ZNF365: variants seen among roughly 807,000 people sequenced by gnomAD.
ZNF365 encodes zinc finger protein 365, also known as protein ZNF365.
ZNF365 carries 22 observed loss-of-function variants against 35.0 expected under a neutral mutation model. The ratio of observed to expected loss-of-function variants is 0.63; its 90% CI spans 0.45 to 0.90. The LOEUF (loss-of-function observed/expected upper bound fraction) is 0.90. Among genes scored for constraint, ZNF365 ranks in the 40% least tolerant of loss-of-function variants. The probability of loss-of-function intolerance (pLI) is 0.00; values close to 1 mark genes in which losing one functional copy is unlikely to be tolerated. For missense variants in ZNF365, 448 were observed against 500.3 expected, an observed-to-expected ratio of 0.90 and a Z score of 1.00; for synonymous variants, 188 against 196.2, an observed-to-expected ratio of 0.96 and a Z score of 0.35.
chr10:62,379,182 C>T (rs529383455), intron 2 of ZNF365, among the ~76,000 whole-genome samples: 1 of 152,126 alleles, frequency 6.6e-6, no homozygotes, highest in Non-Finnish European at 1.5e-5. Context: ...ACCACTGCAC[C>T]CAGCTATTTT....
chr10:62,406,331 T>C (rs1051698411), downstream of ZNF365, among the ~76,000 whole-genome samples: 23 of 152,218 alleles, frequency 1.5e-4, 1 homozygote, highest in African/African-American at 5.3e-4. Flanking sequence ...CCAAGGCAGC[T>C]TCATAACTCT....
chr10:62,395,999 AATGGAAGTAGGTAG>A (rs1839720839), intron 3 of ZNF365, among the ~76,000 whole-genome samples: 1 of 152,160 alleles, frequency 6.6e-6, no homozygotes, highest in Admixed American at 6.5e-5. Flanking sequence ...ACTAGGAGAA[AATGGAAGTAGGTAG>A]ATGGACTAAG....
chr10:62,452,386 C>G (rs1283442215), intron 3 of ZNF365, among the ~76,000 whole-genome samples: 1 of 152,068 alleles, frequency 6.6e-6, no homozygotes, highest in Admixed American at 6.5e-5. Flanking sequence ...TTAACCACCC[C>G]CAGAATAATG....
At chr10:62,388,777 C>T (rs928090498) in intron 3 of ZNF365, among the ~76,000 whole-genome samples, 3 of 152,030 alleles carry the variant, frequency 2.0e-5, no homozygotes, top group African/African-American at 7.2e-5. Context: ...CTGCATGTGC[C>T]GTTTTCAGTC....
At chr10:62,420,530 A>T (rs1325874448) in intron 3 of ZNF365, among the ~76,000 whole-genome samples, 2 of 152,190 alleles carry the variant, frequency 1.3e-5, no homozygotes, top group Admixed American at 6.5e-5. Context: ...TCACATTGTA[A>T]TTGGCCCATA....
intron 3 of ZNF365, among the ~76,000 whole-genome samples, chr10:62,388,825 T>G (rs920819166): frequency 2.0e-5 from 3 of 152,290 alleles, no homozygotes; most frequent in African/African-American, 7.2e-5. Flanking sequence ...GCTGAGTTGG[T>G]AGAAATATAT....
downstream of ZNF365, among the ~76,000 whole-genome samples, chr10:62,403,517 G>T (rs1282997606): frequency 6.6e-6 from 1 of 152,224 alleles, no homozygotes; most frequent in Non-Finnish European, 1.5e-5. Flanking sequence ...AATTAGCCGG[G>T]CGCAGTGGCG....
chr10:62,418,204 C>G (rs955740071), intron 3 of ZNF365, among the ~76,000 whole-genome samples: 1 of 151,902 alleles, frequency 6.6e-6, no homozygotes, highest in African/African-American at 2.4e-5. Context: ...AGTCTCAACC[C>G]TGGTCAATAT....
chr10:62,401,680 A>G lies in ZNF365; in HGVS notation c.*1891A>G. The G allele has an allele frequency of 3.0e-6, 3 of 985,536 alleles. No individual in the cohort carries two copies. Among genetic ancestry groups the G allele is most frequent in the Non-Finnish European group, 3.6e-6 (3 of 829,918 alleles). 61.0% of individuals were successfully genotyped at this position (985,536 alleles called of 1,614,324 possible). A position where few individuals can be genotyped will look rare whatever the true frequency, so the allele number is the denominator to read the frequency against. ...CCATGATTGCACCTTAGCCTTTTACATACTAAAAACATGACTTGTTAGTTG... is the reference window on the plus strand; with the variant it reads ...CCATGATTGCACCTTAGCCTTTTACGTACTAAAAACATGACTTGTTAGTTG... On this transcript the variant is annotated 3_prime_UTR_variant, in exon 5 of 5. Transcript: ENST00000395254.
At chr10:62,407,121 T>C (rs949881149), downstream of ZNF365, among the ~76,000 whole-genome samples, 10 of 152,226 alleles carry the variant, frequency 6.6e-5, no homozygotes. Context: ...GTCACTCCTC[T>C]TATTGAAGCC....
chr10:62,386,966 A>G (rs1339018962), intron 2 of ZNF365, among the ~76,000 whole-genome samples: 1 of 152,248 alleles, frequency 6.6e-6, no homozygotes, highest in Non-Finnish European at 1.5e-5. Flanking sequence ...AGTCTTTAGA[A>G]TCTTGTGTAA....
At chr10:62,385,260 A>T in intron 2 of ZNF365, among the ~76,000 whole-genome samples, 1 of 152,212 alleles carries the variant, frequency 6.6e-6, no homozygotes, top group East Asian at 1.9e-4. Context: ...GAAGGTATTA[A>T]CTTCTCAGCT....
At chr10:62,444,681 C>T (rs748937268) in intron 3 of ZNF365, among the ~76,000 whole-genome samples, 3 of 152,182 alleles carry the variant, frequency 2.0e-5, no homozygotes, top group African/African-American at 7.2e-5. Flanking sequence ...GTTCGAATCT[C>T]TTCTTGTAAG....
At chr10:62,472,004 T>C (rs776431202) in intron 4 of ZNF365, among the ~76,000 whole-genome samples, 8 of 152,234 alleles carry the variant, frequency 5.3e-5, no homozygotes, top group Non-Finnish European at 1.0e-4. Flanking sequence ...GCTTCAACAA[T>C]CTGCCTTTTC....
rs78708307 is a variant in ZNF365, at chr10:62,394,363, C to G, written c.925-4377C>G. Among the ~76,000 whole-genome samples the G allele has an allele frequency of 7.9e-5, 12 of 152,314 alleles. No individual in the cohort carries two copies. In the East Asian group the frequency reaches 1.9e-3, roughly 24 times the overall value. On this transcript the variant is annotated intron_variant, in intron 3 of 4. Coordinates refer to ENST00000395254, the MANE Select transcript of ZNF365 (RefSeq NM_014951.3). ...TTTAATCAGTAATTGTGTCCCCCTC[C>G]TCACTGAGAGCAGTTTCCTCAGTAC...
At chr10:62,473,985 T>C (rs1841087426) in intron 4 of ZNF365, among the ~76,000 whole-genome samples, 1 of 152,052 alleles carries the variant, frequency 6.6e-6, no homozygotes, top group African/African-American at 2.4e-5. Flanking sequence ...CTCCTCAGGG[T>C]CAAGAATGTC....
chr10:62,380,888 T>C (rs4746513), intron 2 of ZNF365, among the ~76,000 whole-genome samples: 76,063 of 152,044 alleles, frequency 0.5, 22,414 homozygotes, highest in East Asian at 0.78. Context: ...AATTTGAGTA[T>C]AATAAAAGTA....
At chr10:62,438,702 G>A (rs1840447285) in intron 3 of ZNF365, among the ~76,000 whole-genome samples, 1 of 152,134 alleles carries the variant, frequency 6.6e-6, no homozygotes, top group African/African-American at 2.4e-5. Context: ...AAGATTCAGA[G>A]GCACACTGTG....
At chr10:62,463,892 A>G (rs1040572903) in intron 4 of ZNF365, among the ~76,000 whole-genome samples, 3 of 152,172 alleles carry the variant, frequency 2.0e-5, no homozygotes, top group Non-Finnish European at 2.9e-5. Context: ...ACCAACTAAC[A>G]GGTCACCCCT....
Sources: allele counts gnomAD v4.1 joint callset (sites outside exome capture counted in the v4.1 genomes callset), GRCh38; gene constraint gnomAD v4.1.1; transcripts MANE v1.5; gene names NCBI Gene and HGNC (gene_info 2026-07-23, HGNC 2026-07-21).